RNF157: variants seen among roughly 807,000 people sequenced by gnomAD.
RNF157 encodes the protein E3 ubiquitin ligase RNF157.
A neutral mutation model predicts 88.3 loss-of-function variants in RNF157; 55 were observed. The ratio of observed to expected loss-of-function variants is 0.62; its 90% CI spans 0.50 to 0.78. RNF157 has a LOEUF of 0.78. Ranked by LOEUF, RNF157 falls within the 30% of genes least tolerant of loss-of-function variation. The pLI, the probability that RNF157 is intolerant of heterozygous loss-of-function variation, is 0.00. For missense variants in RNF157, 788 were observed against 860.8 expected, an observed-to-expected ratio of 0.92 and a Z score of 1.06; for synonymous variants, 334 against 341.2, an observed-to-expected ratio of 0.98 and a Z score of 0.23.
rs2070161639 is a variant in RNF157 at position 76,230,108 on chromosome 17, G to A, written c.88+10045C>T. On this transcript the variant is annotated intron_variant, in intron 1 of 18. Coordinates refer to ENST00000269391, the MANE Select transcript of RNF157 (RefSeq NM_052916.3). ...TGAAGAATGGACTGATGTCTCATCTGCAGTGGGGCAAAGACAGCAAACTGG... is the reference window on the plus strand; with the variant it reads ...TGAAGAATGGACTGATGTCTCATCTACAGTGGGGCAAAGACAGCAAACTGG... Among the ~76,000 whole-genome samples the A allele has an allele frequency of 2.0e-5, 3 of 152,264 alleles. No homozygotes were observed. In the South Asian group the frequency reaches 6.2e-4, roughly 32 times the overall value.
intron 1 of RNF157, among the ~76,000 whole-genome samples, chr17:76,218,103 A>G (rs2069920696): frequency 6.6e-6 from 1 of 152,224 alleles, no homozygotes; most frequent in African/African-American, 2.4e-5. Flanking sequence ...AAACACATAA[A>G]TATCAAGAAA....
intron 1 of RNF157, among the ~76,000 whole-genome samples, chr17:76,219,316 T>A (rs1165088596): frequency 6.6e-6 from 1 of 151,836 alleles, no homozygotes; most frequent in Non-Finnish European, 1.5e-5. Context: ...TTTTTACATA[T>A]ATTTATATAC....
At chr17:76,167,523 TCTCC>T in intron 4 of RNF157, 124 bp downstream of exon 4, 1 of 1,331,534 alleles carries the variant, frequency 7.5e-7, no homozygotes, top group Non-Finnish European at 1.0e-6. Context: ...AGACATGGAC[TCTCC>T]CTATCTGGGA....
chr17:76,189,146 C>CA (rs1170975746), intron 2 of RNF157, among the ~76,000 whole-genome samples: 1 of 152,042 alleles, frequency 6.6e-6, no homozygotes, highest in Admixed American at 6.6e-5. Flanking sequence ...TAAGAAAGGA[C>CA]AATAGAGGAA....
At chr17:76,166,555 A>T (rs1568033386) in intron 5 of RNF157, 28 bp from the exon 6 acceptor site, 3 of 1,594,042 alleles carry the variant, frequency 1.9e-6, no homozygotes, top group Non-Finnish European at 2.6e-6. Context: ...GAAAGGAAAA[A>T]AAAAGAGGAC....
chr17:76,228,980 C>A (rs1307501360), intron 1 of RNF157, among the ~76,000 whole-genome samples: 3 of 151,978 alleles, frequency 2.0e-5, no homozygotes, highest in Non-Finnish European at 4.4e-5. Flanking sequence ...CTCACCCATC[C>A]ATCGATTCAT....
chr17:76,165,683 CTTTTTT>C lies in RNF157; in HGVS notation c.629-144_629-139del, dbSNP rs35164451. 6 of 653,768 alleles carry C rather than the reference CTTTTTT, an allele frequency of 9.2e-6. No individual in the cohort carries two copies. The African/African-American group carries it at 1.1e-4, about 12-fold the overall frequency. The allele number at this position is 653,768 out of a possible 1,614,324, so 40.5% of individuals were successfully genotyped here. ...GAAGGGGCACGTTATATAACCCATA[CTTTTTT>C]TTTTTTGAGACAGAGTCTGGCTCTG... On this transcript the variant is annotated intron_variant, in intron 6 of 18. Transcript: ENST00000269391.
In RNF157 at chr17:76,155,919, C is replaced by T. The variant is rs144982425; in HGVS notation, c.1526-185G>A. Among the ~76,000 whole-genome samples the T allele has an allele frequency of 3.3e-5, 5 of 152,320 alleles. No homozygotes were observed. In the East Asian group the frequency reaches 9.6e-4, roughly 29 times the overall value. ...AATTCTGCTCCTTTATATTTTAGAGCTCAGAACTCAGCCTTGGGGACAAGA... is the reference window on the plus strand; with the variant it reads ...AATTCTGCTCCTTTATATTTTAGAGTTCAGAACTCAGCCTTGGGGACAAGA... On this transcript the variant is annotated intron_variant, in intron 14 of 18. Transcript: ENST00000269391.
chr17:76,186,343 TA>T (rs1183487887), intron 2 of RNF157, among the ~76,000 whole-genome samples: 1 of 151,198 alleles, frequency 6.6e-6, no homozygotes, highest in Non-Finnish European at 1.5e-5. Flanking sequence ...CCGTCTCTAC[TA>T]AAAATACAAA....
At chr17:76,201,096 C>T (rs2069568505) in intron 2 of RNF157, among the ~76,000 whole-genome samples, 1 of 152,116 alleles carries the variant, frequency 6.6e-6, no homozygotes, top group Non-Finnish European at 1.5e-5. Context: ...CCTTCCTCTA[C>T]TTAGAAGTAT....
At chr17:76,191,612 A>C (rs1052374624) in intron 2 of RNF157, among the ~76,000 whole-genome samples, 9 of 151,662 alleles carry the variant, frequency 5.9e-5, no homozygotes, top group South Asian at 2.1e-4. Context: ...AAAAAAAAAA[A>C]AAAAAAAAAA....
At chr17:76,227,116 TG>T (rs1009112589) in intron 1 of RNF157, among the ~76,000 whole-genome samples, 2 of 149,150 alleles carry the variant, frequency 1.3e-5, no homozygotes, top group African/African-American at 5.1e-5. Flanking sequence ...CCTCTTTTTT[TG>T]TTTTTTTTTT....
intron 1 of RNF157, among the ~76,000 whole-genome samples, chr17:76,239,077 GCTCTGCTCC>G (rs2070329317): frequency 6.6e-6 from 1 of 152,140 alleles, no homozygotes; most frequent in African/African-American, 2.4e-5. Context: ...AAGAGACGAG[GCTCTGCTCC>G]AATTCTGACA....
At chr17:76,168,028 TTTTTA>T (rs1195010771) in intron 3 of RNF157, among the ~76,000 whole-genome samples, 1 of 152,228 alleles carries the variant, frequency 6.6e-6, no homozygotes, top group Non-Finnish European at 1.5e-5. Flanking sequence ...GGCACTTTTG[TTTTTA>T]TTTTAATAAA....
At chr17:76,226,839 C>T in intron 1 of RNF157, 1 of 1,475,310 alleles carries the variant, frequency 6.8e-7, no homozygotes, top group Non-Finnish European at 9.1e-7. Flanking sequence ...GAGTAATGTG[C>T]TTAATTCGAA....
intron 12 of RNF157, among the ~76,000 whole-genome samples, chr17:76,159,109 A>C (rs2068809531): frequency 6.6e-6 from 1 of 152,232 alleles, no homozygotes; most frequent in Non-Finnish European, 1.5e-5. Context: ...CTTGAAAGAA[A>C]AAAAGAATAC....
chr17:76,219,032 T>A (rs1281478748), intron 1 of RNF157, among the ~76,000 whole-genome samples: 1 of 152,122 alleles, frequency 6.6e-6, no homozygotes, highest in Non-Finnish European at 1.5e-5. Context: ...AAGCAGAATA[T>A]GTTTGCTGAC....
intron 1 of RNF157, among the ~76,000 whole-genome samples, chr17:76,238,888 AC>A (rs1158052309): frequency 6.6e-6 from 1 of 152,182 alleles, no homozygotes; most frequent in Non-Finnish European, 1.5e-5. Flanking sequence ...ACAATTCTTC[AC>A]CATATTCATC....
rs35839727 is a variant in RNF157, at chr17:76,205,723, CTAAATAAATAAATAAA to C, written c.207+6625_207+6640del. ...CTGGCGACGGAGCAAGACTCCATCTCTAAATAAATAAATAAATAAATAAATAAATAAATAAATAAAA... is the reference window on the plus strand; with the variant it reads ...CTGGCGACGGAGCAAGACTCCATCTCTAAATAAATAAATAAATAAATAAAA... On this transcript the variant is annotated intron_variant, in intron 2 of 18. Transcript: ENST00000269391. Among the ~76,000 whole-genome samples the C allele has an allele frequency of 1.8e-3, 265 of 146,818 alleles. 2 individuals are homozygous for C. Among genetic ancestry groups the C allele is most frequent in the African/African-American group, 6.0e-3 (236 of 39,128 alleles).
Sources: allele counts gnomAD v4.1 joint callset (sites outside exome capture counted in the v4.1 genomes callset), GRCh38; gene constraint gnomAD v4.1.1; transcripts MANE v1.5; gene names NCBI Gene and HGNC (gene_info 2026-07-23, HGNC 2026-07-21).